Variants in CBFA2T3 observed in about 807,000 individuals in gnomAD.
The protein encoded by CBFA2T3 is CBFA2/RUNX1 partner transcriptional co-repressor 3, also known as transcriptional corepressor CBFA2T3.
CBFA2T3 carries 31 observed loss-of-function variants against 58.6 expected under a neutral mutation model. The observed-to-expected ratio is 0.53, with a 90% CI of 0.40 to 0.71. CBFA2T3 has a LOEUF of 0.71. Among genes scored for constraint, CBFA2T3 ranks in the 30% least tolerant of loss-of-function variants. The pLI, the probability that CBFA2T3 is intolerant of heterozygous loss-of-function variation, is 0.00. For synonymous variants in CBFA2T3, 531 were observed against 421.9 expected, an observed-to-expected ratio of 1.26 and a Z score of -3.17; for missense variants, 1,076 against 963.1, an observed-to-expected ratio of 1.12 and a Z score of -1.55.
rs748180411 is a variant in CBFA2T3, at chr16:88,881,503, G to A, written c.1204-14C>T. The A allele has an allele frequency of 1.3e-5, 20 of 1,596,042 alleles. 1 individual carries two copies. Among genetic ancestry groups the A allele is most frequent in the Non-Finnish European group, 4.3e-6 (5 of 1,168,776 alleles). ...GCAGTTCAGGAGCTGGGGGCGGGCG[G>A]CGCAGCCTTCAGCACCTCAGAGGGA... On this transcript the variant is annotated splice_polypyrimidine_tract_variant and intron_variant, in intron 8 of 11. Coordinates refer to ENST00000268679, the MANE Select transcript of CBFA2T3 (RefSeq NM_005187.6).
At chr16:88,963,518 C>T (rs560126294) in intron 1 of CBFA2T3, among the ~76,000 whole-genome samples, 5 of 152,258 alleles carry the variant, frequency 3.3e-5, no homozygotes, top group Admixed American at 1.3e-4. Context: ...CAGTGAATCC[C>T]GGCCCCAGGA....
rs1308024946 is a variant in CBFA2T3, at chr16:88,902,101, G to A, written c.152-445C>T. Among the ~76,000 whole-genome samples, 7 of 152,314 alleles carry A rather than the reference G, an allele frequency of 4.6e-5. No individual in the cohort carries two copies. In the South Asian group the frequency reaches 8.3e-4, roughly 18 times the overall value. On this transcript the variant is annotated intron_variant, in intron 1 of 11. Coordinates refer to ENST00000268679, the MANE Select transcript of CBFA2T3 (RefSeq NM_005187.6). ...GCTGAGACCCAGAATTTGCATTTCC[G>A]GCATGTTCCCAGGTGGCGCTGCTGC... is the stretch of plus-strand genomic sequence containing the variant.
chr16:88,928,446 A>C (rs1319140391), intron 1 of CBFA2T3, among the ~76,000 whole-genome samples: 1 of 152,234 alleles, frequency 6.6e-6, no homozygotes, highest in East Asian at 1.9e-4. Flanking sequence ...CCCATGATCA[A>C]GCCCCAGGGC....
At chr16:88,938,475 A>AC (rs1157114655) in intron 1 of CBFA2T3, 2 of 152,280 alleles carry the variant, frequency 1.3e-5, no homozygotes, top group Non-Finnish European at 2.9e-5. Context: ...GGAACGCTCC[A>AC]CGGCCCTCGT....
rs762856664 is a variant in CBFA2T3 at position 88,881,378 on chromosome 16, T to G, written c.1315A>C (p.Ser439Arg). 6.3e-7 allele frequency: 1 copy of G among 1,594,984 alleles called. No homozygotes were observed. Among genetic ancestry groups the G allele is most frequent in the East Asian group, 2.3e-5 (1 of 43,962 alleles). ...CCCTTCTTTGTGTCCTCGGCGTCGC[T>G]GTAGCGCCGCGCCCAGTGGTTGAGC... ...EELNHWARRY[S>R]DAEDTKKGPA... The change falls in exon 9 of 12, where the codon AGC (serine) becomes CGC (arginine). Residue 439 changes from serine (S) to arginine (R), a missense_variant. Ser to Arg is a moderately radical substitution (Grantham distance 110, BLOSUM62 -1). Transcript: ENST00000268679.
At chr16:88,963,277 GTCTTCTGCCAGGGGTGGGCGCTCA>G (rs1567637358) in intron 1 of CBFA2T3, among the ~76,000 whole-genome samples, 7 of 149,828 alleles carry the variant, frequency 4.7e-5, no homozygotes, top group South Asian at 2.1e-4. Context: ...GTGGGCGCTC[GTCTTCTGCCAGGGGTGGGCGCTCA>G]TCTTCTGCCA....
intron 1 of CBFA2T3, among the ~76,000 whole-genome samples, chr16:88,969,184 C>T (rs532175481): frequency 6.6e-5 from 10 of 152,326 alleles, no homozygotes; most frequent in South Asian, 6.2e-4. Context: ...GGGGCTGCAG[C>T]GGACACGGCT....
At chr16:88,901,730 T>C in intron 1 of CBFA2T3, 74 bp from the exon 2 acceptor site, 1 of 1,376,442 alleles carries the variant, frequency 7.3e-7, no homozygotes, top group Admixed American at 3.2e-5. Context: ...GCCCCACGGT[T>C]CCCAGCGAAG....
chr16:88,916,180 G>A (rs969079868), intron 1 of CBFA2T3, among the ~76,000 whole-genome samples: 1 of 151,950 alleles, frequency 6.6e-6, no homozygotes, highest in African/African-American at 2.4e-5. Context: ...GTATTCATGT[G>A]TGCGCATGGG....
intron 8 of CBFA2T3, 37 bp downstream of exon 8, chr16:88,882,639 C>A (rs373804103): frequency 1.7e-4 from 233 of 1,375,764 alleles, no homozygotes; most frequent in Non-Finnish European, 2.2e-4. Context: ...TGCGCCTGGG[C>A]ATGGCTGTGT....
intron 1 of CBFA2T3, among the ~76,000 whole-genome samples, chr16:88,922,311 C>T (rs1263718942): frequency 6.6e-6 from 1 of 152,246 alleles, no homozygotes; most frequent in South Asian, 2.1e-4. Context: ...CCGGTCTAGC[C>T]AGAGTAAAAG....
chr16:88,955,869 G>T (rs1462940426), intron 1 of CBFA2T3, among the ~76,000 whole-genome samples: 1 of 143,462 alleles, frequency 7.0e-6, no homozygotes, highest in African/African-American at 2.7e-5. Context: ...CCCACCCAAG[G>T]CTCCTGACCC....
At chr16:88,967,266 GC>G (rs1367404387) in intron 1 of CBFA2T3, among the ~76,000 whole-genome samples, 7 of 152,148 alleles carry the variant, frequency 4.6e-5, no homozygotes, top group African/African-American at 1.7e-4. Context: ...GCAGCACCAT[GC>G]TCAATGCAGT....
At chr16:88,908,693 CCCGCCT>C (rs1169011099) in intron 1 of CBFA2T3, among the ~76,000 whole-genome samples, 1 of 152,218 alleles carries the variant, frequency 6.6e-6, no homozygotes, top group Non-Finnish European at 1.5e-5. Flanking sequence ...TCCGGCCTTC[CCCGCCT>C]CGTACCCTCG....
At chr16:88,974,271 G>A (rs1485501046) in intron 1 of CBFA2T3, among the ~76,000 whole-genome samples, 4 of 152,130 alleles carry the variant, frequency 2.6e-5, no homozygotes, top group Non-Finnish European at 5.9e-5. Context: ...CACAGCGGGC[G>A]CCTCGTAAAC....
intron 8 of CBFA2T3, 92 bp downstream of exon 8, chr16:88,882,582 CTG>C (rs1388386525): frequency 1.7e-5 from 7 of 401,736 alleles, no homozygotes; most frequent in African/African-American, 8.5e-5. Flanking sequence ...GTGGGCGTGG[CTG>C]TGTGTGCATG....
intron 1 of CBFA2T3, among the ~76,000 whole-genome samples, chr16:88,961,903 C>T (rs894041050): frequency 2.0e-4 from 29 of 146,204 alleles, no homozygotes; most frequent in Admixed American, 8.1e-4. Flanking sequence ...CCATAGTAAC[C>T]GACCCTCAGT....
In CBFA2T3 at chr16:88,933,966, C is replaced by T. The variant is rs537795768; in HGVS notation, c.152-32310G>A. ...AGAGCTGAAAAAAAAATACCTCAGT[C>T]GCTTAAAAATCAGTGCATGTCGAAA... On this transcript the variant is annotated intron_variant, in intron 1 of 11. Transcript: ENST00000268679. Among the ~76,000 whole-genome samples, 24 of 152,294 alleles carry T rather than the reference C, an allele frequency of 1.6e-4. 2 individuals are homozygous for T. In the South Asian group the frequency reaches 4.8e-3, roughly 30 times the overall value.
Position 88,885,797 on chromosome 16 carries a change from C to T in CBFA2T3, c.893+164G>A. ...CTGGGGTGTCCGCCCGTGCAGCCAC[C>T]AAGCCTGCTGGCCCTAGTACACCTC... is the stretch of plus-strand genomic sequence containing the variant. On this transcript the variant is annotated intron_variant, in intron 6 of 11. Coordinates refer to ENST00000268679, the MANE Select transcript of CBFA2T3 (RefSeq NM_005187.6). The surrounding 1 kb of genome is among the most constrained non-coding windows in gnomAD (Gnocchi z 5.3). 1 of 628,800 alleles carries T rather than the reference C, an allele frequency of 1.6e-6. No homozygotes were observed. The highest frequency in any genetic ancestry group is 2.8e-6 in the Non-Finnish European group (1 of 363,442). 39.0% of individuals were successfully genotyped at this position (628,800 alleles called of 1,614,324 possible). A position where few individuals can be genotyped will look rare whatever the true frequency, so the allele number is the denominator to read the frequency against.
Sources: allele counts gnomAD v4.1 joint callset (sites outside exome capture counted in the v4.1 genomes callset), GRCh38; gene constraint gnomAD v4.1.1; non-coding constraint Gnocchi (gnomAD v3.1); transcripts MANE v1.5; gene names NCBI Gene and HGNC (gene_info 2026-07-23, HGNC 2026-07-21).